The following TBX5 variants were observed in gnomAD, a reference collection of about 807,000 sequenced individuals.
The protein encoded by TBX5 is T-box transcription factor TBX5.
TBX5 carries 8 observed loss-of-function variants against 51.1 expected under a neutral mutation model. That is an observed-to-expected ratio of 0.16 (90% CI 0.09 to 0.28). TBX5 has a LOEUF of 0.28. Ranked by LOEUF, TBX5 falls within the 10% of genes least tolerant of loss-of-function variation. The probability of loss-of-function intolerance (pLI) is 1.00; values close to 1 mark genes in which losing one functional copy is unlikely to be tolerated. For synonymous variants in TBX5, 302 were observed against 266.4 expected (o/e 1.13, Z -1.30); for missense variants, 589 against 671.7 (o/e 0.88, Z 1.36).
intron 6 of TBX5, among the ~76,000 whole-genome samples, chr12:114,392,108 C>T (rs1871178785): frequency 6.6e-6 from 1 of 150,646 alleles, no homozygotes; most frequent in Admixed American, 6.6e-5. Context: ...CGCATATATC[C>T]AAATGCGTAT....
intron 5 of TBX5, among the ~76,000 whole-genome samples, chr12:114,396,502 G>A (rs560699587): frequency 1.3e-5 from 2 of 152,130 alleles, no homozygotes; most frequent in African/African-American, 2.4e-5. Context: ...GAGCAGCTCC[G>A]AGCCCCTCTC....
intron 3 of TBX5, among the ~76,000 whole-genome samples, chr12:114,399,875 G>A (rs1871696580): frequency 6.6e-6 from 1 of 152,172 alleles, no homozygotes; most frequent in Admixed American, 6.5e-5. Context: ...AAACAAACCA[G>A]GACGCATGCG....
intron 7 of TBX5, among the ~76,000 whole-genome samples, chr12:114,383,745 AG>A (rs1489732350): frequency 6.6e-6 from 1 of 152,180 alleles, no homozygotes; most frequent in African/African-American, 2.4e-5. Context: ...TAAAGTTTGA[AG>A]GGATGATTCA....
chr12:114,402,600 A>G (rs959924273), intron 2 of TBX5, among the ~76,000 whole-genome samples: 1 of 152,218 alleles, frequency 6.6e-6, no homozygotes, highest in Non-Finnish European at 1.5e-5. Flanking sequence ...TCTCTCTACA[A>G]GTAGTTCCAT....
chr12:114,403,673 C>G, intron 2 of TBX5, 79 bp downstream of exon 2: 1 of 1,575,682 alleles, frequency 6.3e-7, no homozygotes, highest in Non-Finnish European at 8.6e-7. Flanking sequence ...TGTTCTGTCC[C>G]CGCAAGAGAA....
rs1195354195 is a variant in TBX5, at chr12:114,401,985, C to A, written c.148-65G>T. The A allele has an allele frequency of 3.5e-6, 5 of 1,417,462 alleles. No homozygotes were observed. The African/African-American group carries it at 4.2e-5, about 12-fold the overall frequency. 87.8% of individuals were successfully genotyped at this position (1,417,462 alleles called of 1,614,324 possible). A position where few individuals can be genotyped will look rare whatever the true frequency, so the allele number is the denominator to read the frequency against. ...CAGTAGTGGGCATTCCTTCCCCAAA[C>A]TCCCCCAAAACACAGAGACTGCTCC... On this transcript the variant is annotated intron_variant, in intron 2 of 8. Coordinates refer to ENST00000405440, the MANE Select transcript of TBX5 (RefSeq NM_181486.4).
chr12:114,375,041 G>A lies in TBX5; in HGVS notation c.756-8650C>T, dbSNP rs112856571. Among the ~76,000 whole-genome samples, 367 of 152,252 alleles carry A rather than the reference G, an allele frequency of 2.4e-3. 2 individuals carry two copies. Among genetic ancestry groups the A allele is most frequent in the African/African-American group, 3.8e-3 (158 of 41,544 alleles). On this transcript the variant is annotated intron_variant, in intron 7 of 8. Coordinates refer to ENST00000405440, the MANE Select transcript of TBX5 (RefSeq NM_181486.4). ...TACAATTCTTCCATGTTTCTCACAC[G>A]CCTTCGATTTTTCATAATAGAACAC...
chr12:114,407,415 A>C (rs1255435979), upstream of TBX5, among the ~76,000 whole-genome samples: 1 of 152,230 alleles, frequency 6.6e-6, no homozygotes, highest in Non-Finnish European at 1.5e-5. Context: ...AAGAAGGCTG[A>C]ACCGCTACAT....
chr12:114,371,284 C>T (rs1270012290), intron 7 of TBX5, among the ~76,000 whole-genome samples: 18 of 152,192 alleles, frequency 1.2e-4, no homozygotes, highest in Admixed American at 1.0e-3. Flanking sequence ...GACCCCAACA[C>T]GAGCTGGGGG....
chr12:114,387,818 A>G (rs1870904736), intron 6 of TBX5, among the ~76,000 whole-genome samples: 1 of 152,144 alleles, frequency 6.6e-6, no homozygotes, highest in Non-Finnish European at 1.5e-5. Flanking sequence ...GTGAAACTAA[A>G]ACTGCTCTAA....
chr12:114,377,357 C>T (rs1870249495), intron 7 of TBX5, among the ~76,000 whole-genome samples: 1 of 152,012 alleles, frequency 6.6e-6, no homozygotes, highest in Admixed American at 6.6e-5. Flanking sequence ...GAATTTTAAC[C>T]TTTTAGGAGA....
chr12:114,357,940 A>G (rs527334779), intron 8 of TBX5, among the ~76,000 whole-genome samples: 32 of 152,350 alleles, frequency 2.1e-4, no homozygotes, highest in African/African-American at 7.7e-4. Flanking sequence ...ACGAGAGGAA[A>G]TGATCAGAGC....
At position 114,355,417 on chromosome 12, in the gene TBX5, G is replaced by T; in HGVS notation, c.*115C>A. ...TTGAGTGCAGATGTGAACATTGGGT[G>T]AAATGAAAAATCTTGTCCGTGGGGT... On this transcript the variant is annotated 3_prime_UTR_variant, in exon 9 of 9. Transcript: ENST00000405440. 2 of 1,341,774 alleles carry T rather than the reference G, an allele frequency of 1.5e-6. No homozygotes were observed. The highest frequency in any genetic ancestry group is 2.5e-5 in the East Asian group (1 of 40,262). 83.1% of individuals were successfully genotyped at this position (1,341,774 alleles called of 1,614,324 possible). A position where few individuals can be genotyped will look rare whatever the true frequency, so the allele number is the denominator to read the frequency against.
At chr12:114,378,289 T>C (rs1159772953) in intron 7 of TBX5, among the ~76,000 whole-genome samples, 1 of 152,174 alleles carries the variant, frequency 6.6e-6, no homozygotes, top group Non-Finnish European at 1.5e-5. Context: ...TATTGCTTGT[T>C]CATATTCTGG....
chr12:114,371,782 C>T (rs1319181933), intron 7 of TBX5, among the ~76,000 whole-genome samples: 1 of 152,024 alleles, frequency 6.6e-6, no homozygotes, highest in Non-Finnish European at 1.5e-5. Flanking sequence ...TGAGAGCTTT[C>T]TTGATTTCTT....
rs1428277072 is a variant in TBX5, at chr12:114,399,547, C to T, written c.328G>A (p.Asp110Asn). 15 of 1,614,002 alleles carry T rather than the reference C, an allele frequency of 9.3e-6. No homozygotes were observed. Among genetic ancestry groups the T allele is most frequent in the Middle Eastern group, 1.6e-4 (1 of 6,084 alleles). The change falls in exon 4 of 9, where the codon GAC becomes AAC. Residue 110 changes from aspartate (D) to asparagine (N), a missense_variant. Physicochemically the swap from Asp to Asn is conservative, Grantham distance 23. Around this residue, in one of 7 missense-constraint regions of TBX5, gnomAD observed 85 missense variants for 95.6 expected, o/e 0.89. Transcript: ENST00000405440. The part of the protein sequence containing the change: ...YILLMDIVPA[D>N]DHRYKFADNK... ...TCTGCGAATTTGTATCTGTGATCGT[C>T]GGCAGGTACAATGTCCATGAGAAGA...
At chr12:114,397,149 G>GC (rs1464887162) in intron 5 of TBX5, among the ~76,000 whole-genome samples, 2 of 151,720 alleles carry the variant, frequency 1.3e-5, no homozygotes, top group African/African-American at 4.8e-5. Flanking sequence ...ATCCTCCCCC[G>GC]CCCCCTTGAC....
chr12:114,366,173 T>C lies in TBX5; in HGVS notation c.974A>G (p.Lys325Arg), dbSNP rs774321607. 1.9e-6 allele frequency: 3 copies of C among 1,614,112 alleles called. No homozygotes were observed. The highest frequency in any genetic ancestry group is 2.5e-6 in the Non-Finnish European group (3 of 1,180,002). ...QEHSQIYHCT[K>R]RKEEECSTTD... ...GGGGTGATCACACTCACCTTTCCTCTTGGTACAATGGTAAATTTGGCTATG... is the reference window on the plus strand; with the variant it reads ...GGGGTGATCACACTCACCTTTCCTCCTGGTACAATGGTAAATTTGGCTATG... The change falls in exon 8 of 9, where the codon AAG becomes AGG. Residue 325 changes from lysine to arginine, a missense_variant. Lys to Arg is a conservative substitution (Grantham distance 26). Transcript: ENST00000405440.
intron 7 of TBX5, among the ~76,000 whole-genome samples, chr12:114,368,995 C>G (rs1022154872): frequency 6.7e-6 from 1 of 148,410 alleles, no homozygotes; most frequent in Non-Finnish European, 1.5e-5. Flanking sequence ...GTTCAAGCTA[C>G]GTAATGGAAA....
Sources: gnomAD v4.1 joint callset for allele counts (sites outside exome capture counted in the v4.1 genomes callset) on GRCh38, gnomAD v4.1.1 for gene constraint, gnomAD v4.1.1 regional missense constraint, MANE v1.5 for transcripts, NCBI Gene and HGNC (gene_info 2026-07-23, HGNC 2026-07-21) for gene names.